FOXN1: variants seen among roughly 807,000 people sequenced by gnomAD.
The protein encoded by FOXN1 is forkhead box protein N1.
Under a neutral mutation model 49.0 loss-of-function variants are expected in FOXN1, and 15 were observed. That is an observed-to-expected ratio of 0.31 (90% CI 0.20 to 0.47). The LOEUF is 0.47. Among genes scored for constraint, FOXN1 ranks in the 20% least tolerant of loss-of-function variants. The probability of loss-of-function intolerance (pLI) is 1.00; values close to 1 mark genes in which losing one functional copy is unlikely to be tolerated. For synonymous variants in FOXN1, 356 were observed against 369.0 expected, an observed-to-expected ratio of 0.96 and a Z score of 0.40; for missense variants, 800 against 842.8, an observed-to-expected ratio of 0.95 and a Z score of 0.63.
Position 28,537,782 on chromosome 17 carries a change from T to G in FOXN1, c.*346T>G. ...CAGATGTACACCCACCCACATATCT[T>G]ACAGCCAGAGGAACCAGCACTCCAT... On this transcript the variant is annotated 3_prime_UTR_variant, in exon 9 of 9. Transcript: ENST00000579795. The G allele has an allele frequency of 5.1e-6, 2 of 394,740 alleles. No homozygotes were observed. The allele number at this position is 394,740 out of a possible 1,614,324, so 24.5% of individuals were successfully genotyped here.
rs1233549363 is a variant in FOXN1, at chr17:28,524,005, G to A, written c.36G>A (p.Thr12=). 11 of 1,612,818 alleles carry A rather than the reference G, an allele frequency of 6.8e-6. No individual in the cohort carries two copies. Among genetic ancestry groups the A allele is most frequent in the East Asian group, 2.2e-5 (1 of 44,876 alleles). The change falls in exon 2 of 9, where the codon ACG becomes ACA. Residue 12 remains threonine (T), a synonymous_variant. Coordinates refer to ENST00000579795, the MANE Select transcript of FOXN1 (RefSeq NM_001369369.1). ...TACCCCCGCCGCAGTCTGACGTCAC[G>A]CTGCCGGGCCCCACCAGACTGGAGG... is the stretch of plus-strand genomic sequence containing the variant. ...VSLPPPQSDV[T]LPGPTRLEGE...
At chr17:28,530,074 A>T (rs1417428880) in intron 5 of FOXN1, among the ~76,000 whole-genome samples, 1 of 151,988 alleles carries the variant, frequency 6.6e-6, no homozygotes, top group Admixed American at 6.5e-5. Flanking sequence ...TAGGAGAAAT[A>T]TCTAATGTAG....
intron 1 of FOXN1, among the ~76,000 whole-genome samples, chr17:28,512,275 G>C (rs1298249757): frequency 3.9e-5 from 6 of 152,152 alleles, no homozygotes; most frequent in Non-Finnish European, 8.8e-5. Context: ...AGGATTTCAG[G>C]GAACTTTCTT....
chr17:28,529,813 A>AG (rs1243391557), intron 5 of FOXN1, among the ~76,000 whole-genome samples: 1 of 152,126 alleles, frequency 6.6e-6, no homozygotes, highest in Non-Finnish European at 1.5e-5. Context: ...AGCTAGTGTG[A>AG]GCTGAGGGGA....
intron 4 of FOXN1, 22 bp from the exon 5 acceptor site, chr17:28,529,072 C>G: frequency 1.2e-6 from 2 of 1,613,932 alleles, no homozygotes; most frequent in Non-Finnish European, 1.7e-6. Flanking sequence ...TGCAATCACT[C>G]TGCCCCTTTT....
intron 1 of FOXN1, among the ~76,000 whole-genome samples, chr17:28,516,853 A>T (rs1305193106): frequency 1.6e-5 from 1 of 61,382 alleles, no homozygotes; most frequent in African/African-American, 4.9e-5. Context: ...ACACCTCCAC[A>T]GGGTACACAA....
chr17:28,530,725 C>T, intron 5 of FOXN1, 24 bp from the exon 6 acceptor site: 1 of 1,441,496 alleles, frequency 6.9e-7, no homozygotes. Flanking sequence ...GGTTCGGACT[C>T]TCAGGGGCTT....
At chr17:28,536,934 G>A (rs1168844024) in intron 8 of FOXN1, among the ~76,000 whole-genome samples, 183 bp from the exon 9 acceptor site, 2 of 152,040 alleles carry the variant, frequency 1.3e-5, no homozygotes, top group Non-Finnish European at 2.9e-5. Context: ...CACGGGAGGA[G>A]GAATCTGAGG....
chr17:28,524,790 G>A lies in FOXN1; in HGVS notation c.411G>A (p.Glu137=), dbSNP rs760960446. The A allele has an allele frequency of 3.8e-5, 61 of 1,613,590 alleles. No homozygotes were observed. Among genetic ancestry groups the A allele is most frequent in the Non-Finnish European group, 4.9e-5 (58 of 1,179,986 alleles). Residue 137 remains glutamate, a synonymous_variant, in exon 3 of 9, where the codon GAG becomes GAA. Transcript: ENST00000579795. ...CTTTCCATGAGGACGTCTTCCCAGA[G>A]GCCGAGACCACCCTGGCCCTCAAAG... ...KRPFHEDVFP[E]AETTLALKGH... is the part of the protein sequence containing the mutation.
intron 1 of FOXN1, among the ~76,000 whole-genome samples, chr17:28,509,104 A>T (rs1429394636): frequency 6.6e-6 from 1 of 151,958 alleles, no homozygotes; most frequent in Non-Finnish European, 1.5e-5. Context: ...GAAAGACAAG[A>T]TGACCTCTGG....
chr17:28,531,473 T>C (rs1411824696), intron 6 of FOXN1, among the ~76,000 whole-genome samples: 4 of 152,144 alleles, frequency 2.6e-5, no homozygotes, highest in African/African-American at 9.7e-5. Context: ...GCTCCCTCTC[T>C]AGAGGCAGGA....
At chr17:28,513,282 A>C (rs1235101044) in intron 1 of FOXN1, among the ~76,000 whole-genome samples, 1 of 152,190 alleles carries the variant, frequency 6.6e-6, no homozygotes, top group Non-Finnish European at 1.5e-5. Context: ...CAAACAAACA[A>C]AAAAAACCAG....
chr17:28,509,329 C>T (rs2151472864), intron 1 of FOXN1, among the ~76,000 whole-genome samples: 1 of 152,050 alleles, frequency 6.6e-6, no homozygotes, highest in South Asian at 2.1e-4. Flanking sequence ...CATCCCCGTC[C>T]CCAAACTTGC....
chr17:28,537,070 T>G (rs374439030), intron 8 of FOXN1, 47 bp from the exon 9 acceptor site: 223 of 1,452,566 alleles, frequency 1.5e-4, no homozygotes, highest in Non-Finnish European at 2.0e-4. Flanking sequence ...CAGACAGGGC[T>G]CCTCCGGTGC....
Position 28,538,712 on chromosome 17 carries a change from G to C in FOXN1, c.*1276G>C, listed in dbSNP as rs2070134533. 6.6e-6 allele frequency: 1 copy of C among 152,238 alleles called. No individual in the cohort carries two copies. The highest frequency in any genetic ancestry group is 1.5e-5 in the Non-Finnish European group (1 of 68,044). The allele number at this position is 152,238 out of a possible 1,614,324, so 9.4% of individuals were successfully genotyped here. A position where few individuals can be genotyped will look rare whatever the true frequency, so the allele number is the denominator to read the frequency against. ...ACAAGGGATACCCTTGGCCCTGCGG[G>C]GTGTGGCCCAGGTGCCTGCCATGAG... On this transcript the variant is annotated 3_prime_UTR_variant, in exon 9 of 9. Transcript: ENST00000579795.
intron 6 of FOXN1, among the ~76,000 whole-genome samples, chr17:28,532,964 T>C (rs1159459772): frequency 6.6e-6 from 1 of 152,148 alleles, no homozygotes; most frequent in East Asian, 1.9e-4. Flanking sequence ...GGTGAATCCC[T>C]AGTTGGCTGG....
chr17:28,522,263 T>C (rs1458466015), intron 1 of FOXN1, among the ~76,000 whole-genome samples: 3 of 152,212 alleles, frequency 2.0e-5, no homozygotes, highest in Non-Finnish European at 4.4e-5. Flanking sequence ...CAGCAAACTG[T>C]AGCATTTATC....
intron 6 of FOXN1, among the ~76,000 whole-genome samples, chr17:28,532,117 G>T (rs966046786): frequency 1.3e-5 from 2 of 152,114 alleles, no homozygotes; most frequent in African/African-American, 4.8e-5. Context: ...CAGAGAGAGG[G>T]AAAAGCCCAG....
intron 1 of FOXN1, among the ~76,000 whole-genome samples, chr17:28,521,424 C>T (rs918863829): frequency 2.6e-5 from 4 of 152,210 alleles, no homozygotes; most frequent in South Asian, 2.1e-4. Flanking sequence ...AGCTCTGGGC[C>T]GGGGTGAGGT....
Sources: gnomAD v4.1 joint callset for allele counts (sites outside exome capture counted in the v4.1 genomes callset) on GRCh38, gnomAD v4.1.1 for gene constraint, MANE v1.5 for transcripts, NCBI Gene and HGNC (gene_info 2026-07-23, HGNC 2026-07-21) for gene names.